The following USP10 variants were observed in gnomAD, a reference collection of about 807,000 sequenced individuals.
USP10 encodes the protein ubiquitin carboxyl-terminal hydrolase 10.
In USP10, 22 loss-of-function variants were observed where a neutral mutation model predicts 84.5. That is an observed-to-expected ratio of 0.26 (90% CI 0.19 to 0.37). The LOEUF is 0.37. Among genes scored for constraint, USP10 ranks in the 10% least tolerant of loss-of-function variants. USP10 has a pLI of 1.00. For synonymous variants in USP10, 454 were observed against 387.6 expected (o/e 1.17, Z -2.01); for missense variants, 1,019 against 998.9 (o/e 1.02, Z -0.27).
intron 1 of USP10, among the ~76,000 whole-genome samples, chr16:84,728,981 TG>T (rs11351357): frequency 0.47 from 71,676 of 151,798 alleles, 19,345 homozygotes; most frequent in Non-Finnish European, 0.62. Context: ...GTATTTTTAG[TG>T]GAGGTGGATT....
At chr16:84,776,731 A>C (rs1427704878) in intron 13 of USP10, among the ~76,000 whole-genome samples, 1 of 151,806 alleles carries the variant, frequency 6.6e-6, no homozygotes, top group Non-Finnish European at 1.5e-5. Context: ...GAGCACACAC[A>C]CCCCTCCCCG....
chr16:84,760,365 C>A, intron 8 of USP10, 90 bp downstream of exon 8: 2 of 1,129,496 alleles, frequency 1.8e-6, no homozygotes, highest in Admixed American at 2.1e-5. Flanking sequence ...TATTTGCCCT[C>A]TGTCTCCAGC....
At chr16:84,728,205 A>G (rs189685493) in intron 1 of USP10, among the ~76,000 whole-genome samples, 1 of 152,324 alleles carries the variant, frequency 6.6e-6, no homozygotes, top group East Asian at 1.9e-4. Context: ...TTTCTGTGAT[A>G]AACTTTTTGG....
chr16:84,770,237 T>C (rs1313568824), intron 11 of USP10, among the ~76,000 whole-genome samples: 1 of 152,228 alleles, frequency 6.6e-6, no homozygotes, highest in Non-Finnish European at 1.5e-5. Context: ...CCAGGACCAC[T>C]TTCAACAGCA....
At chr16:84,729,982 G>T (rs1025252661) in intron 1 of USP10, among the ~76,000 whole-genome samples, 1 of 152,134 alleles carries the variant, frequency 6.6e-6, no homozygotes, top group Admixed American at 6.5e-5. Context: ...TTATGTCTGT[G>T]CAAAATGGGT....
At chr16:84,715,412 A>G (rs1007436435) in intron 1 of USP10, among the ~76,000 whole-genome samples, 1 of 152,134 alleles carries the variant, frequency 6.6e-6, no homozygotes, top group Non-Finnish European at 1.5e-5. Context: ...TATGTGGTGC[A>G]TGTGGCAGGT....
At chr16:84,749,530 G>A (rs950851595) in intron 4 of USP10, among the ~76,000 whole-genome samples, 11 of 151,728 alleles carry the variant, frequency 7.2e-5, no homozygotes, top group South Asian at 2.1e-4. Flanking sequence ...ACTTGAGCCC[G>A]GGAGTTCGAG....
chr16:84,740,430 G>A lies in USP10; in HGVS notation c.151+61G>A, dbSNP rs368823919. ...TTTGGCCATACGTGCTGGGTGGGCA[G>A]GCTACCTGTAAACATTGTTTCCCAT... On this transcript the variant is annotated intron_variant, in intron 3 of 13. Transcript: ENST00000219473. The A allele has an allele frequency of 3.4e-5, 46 of 1,353,190 alleles. 4 individuals carry two copies. The highest frequency in any genetic ancestry group is 1.6e-4 in the Admixed American group (8 of 51,336). 83.8% of individuals were successfully genotyped at this position (1,353,190 alleles called of 1,614,324 possible). A position where few individuals can be genotyped will look rare whatever the true frequency, so the allele number is the denominator to read the frequency against.
chr16:84,714,374 G>A (rs1906720281), intron 1 of USP10, among the ~76,000 whole-genome samples: 1 of 152,046 alleles, frequency 6.6e-6, no homozygotes, highest in Non-Finnish European at 1.5e-5. Flanking sequence ...GGAGTGAGTG[G>A]CACAATCGTA....
chr16:84,740,163 T>C, intron 2 of USP10, 146 bp from the exon 3 acceptor site: 2 of 613,798 alleles, frequency 3.3e-6, no homozygotes, highest in Non-Finnish European at 5.6e-6. Context: ...TTGCACTGAC[T>C]CTTCATGTAT....
intron 1 of USP10, among the ~76,000 whole-genome samples, chr16:84,704,051 C>G (rs1905196977): frequency 3.9e-5 from 6 of 152,220 alleles, no homozygotes; most frequent in Admixed American, 2.6e-4. Context: ...TAATGCCAAG[C>G]CTAAGCGGCA....
chr16:84,759,314 G>T, intron 5 of USP10, 49 bp from the exon 6 acceptor site: 1 of 1,540,744 alleles, frequency 6.5e-7, no homozygotes, highest in Non-Finnish European at 9.0e-7. Context: ...TTCAGGAAAT[G>T]TGGTGTGTCT....
intron 1 of USP10, chr16:84,709,140 G>A (rs551604268): frequency 2.6e-5 from 4 of 152,362 alleles, no homozygotes; most frequent in African/African-American, 7.2e-5. Context: ...TGTTTCTCTC[G>A]CGGAGGAGTT....
At chr16:84,753,680 AC>A (rs1912198488) in intron 4 of USP10, among the ~76,000 whole-genome samples, 8 of 152,282 alleles carry the variant, frequency 5.3e-5, no homozygotes. Flanking sequence ...TGTCATTTAG[AC>A]TTTCTGGACC....
At chr16:84,769,616 G>T (rs1353803958) in intron 11 of USP10, among the ~76,000 whole-genome samples, 2 of 152,064 alleles carry the variant, frequency 1.3e-5, no homozygotes, top group Non-Finnish European at 2.9e-5. Flanking sequence ...TCACTTCTGT[G>T]GCAGCTGCAA....
intron 1 of USP10, among the ~76,000 whole-genome samples, chr16:84,728,281 C>T (rs1247562725): frequency 6.6e-6 from 1 of 152,076 alleles, no homozygotes; most frequent in Non-Finnish European, 1.5e-5. Flanking sequence ...TTGTCACTCA[C>T]TGGTATTTGC....
intron 1 of USP10, among the ~76,000 whole-genome samples, chr16:84,719,095 T>TCTTAATTTTA (rs1907447839): frequency 6.6e-6 from 1 of 152,026 alleles, no homozygotes; most frequent in African/African-American, 2.4e-5. Context: ...CCCGGCCAGT[T>TCTTAATTTTA]TAGTTGTTGT....
chr16:84,731,762 G>C (rs1909268602), intron 1 of USP10, among the ~76,000 whole-genome samples: 1 of 147,926 alleles, frequency 6.8e-6, no homozygotes, highest in Non-Finnish European at 1.5e-5. Flanking sequence ...ACACTTTCAT[G>C]ATCTCTGATA....
chr16:84,708,899 A>G (rs1905899923), intron 1 of USP10: 1 of 152,266 alleles, frequency 6.6e-6, no homozygotes, highest in African/African-American at 2.4e-5. Context: ...TTAGGAGTAT[A>G]GAGCTGAAGA....
Sources: gnomAD v4.1 joint callset for allele counts (sites outside exome capture counted in the v4.1 genomes callset) on GRCh38, gnomAD v4.1.1 for gene constraint, MANE v1.5 for transcripts, NCBI Gene and HGNC (gene_info 2026-07-23, HGNC 2026-07-21) for gene names.